The following SLC35F1 variants were observed in gnomAD, a reference collection of about 807,000 sequenced individuals.
The protein encoded by SLC35F1 is chromosome 6 open reading frame 169.
In SLC35F1, 14 loss-of-function variants were observed where a neutral mutation model predicts 48.7. The ratio of observed to expected loss-of-function variants is 0.29; its 90% CI spans 0.19 to 0.45. The LOEUF is 0.45. SLC35F1 is among the 20% of genes least tolerant of loss of function. The pLI is 1.00. For missense variants in SLC35F1, 404 were observed against 500.0 expected, an observed-to-expected ratio of 0.81 and a Z score of 1.83; for synonymous variants, 190 against 202.2, an observed-to-expected ratio of 0.94 and a Z score of 0.51.
chr6:118,062,455 A>G (rs1772554857), intron 1 of SLC35F1, among the ~76,000 whole-genome samples: 1 of 152,166 alleles, frequency 6.6e-6, no homozygotes, highest in South Asian at 2.1e-4. Flanking sequence ...CATAATAATT[A>G]CATCATGGAG....
chr6:117,982,832 G>A (rs953017083), intron 1 of SLC35F1, among the ~76,000 whole-genome samples: 4 of 152,066 alleles, frequency 2.6e-5, no homozygotes, highest in East Asian at 1.9e-4. Context: ...ACAAAAAAAC[G>A]TAGTTTTTTT....
intron 1 of SLC35F1, among the ~76,000 whole-genome samples, chr6:118,117,833 G>A (rs777049529): frequency 7.2e-5 from 11 of 152,166 alleles, no homozygotes; most frequent in East Asian, 3.9e-4. Flanking sequence ...GTCACACACC[G>A]TGCATTCTCC....
rs375494285 is a variant in SLC35F1 at position 117,907,993 on chromosome 6, T to G, written c.173+94T>G. ...GTCCCTGGGGCGGCCCACGGGTCCTTTGGGACGGGGTTGCGGCCGGAGGAG... is the reference window on the plus strand; with the variant it reads ...GTCCCTGGGGCGGCCCACGGGTCCTGTGGGACGGGGTTGCGGCCGGAGGAG... On this transcript the variant is annotated intron_variant, in intron 1 of 7. Transcript: ENST00000360388. 6.4e-5 allele frequency: 76 copies of G among 1,182,168 alleles called. 1 individual carries two copies. The East Asian group carries it at 9.4e-4, about 15-fold the overall frequency. The allele number at this position is 1,182,168 out of a possible 1,614,324, so 73.2% of individuals were successfully genotyped here.
rs146444535 is a variant in SLC35F1 at position 118,132,121 on chromosome 6, A to G, written c.174-22324A>G. Among the ~76,000 whole-genome samples, 225 of 152,284 alleles carry G rather than the reference A, an allele frequency of 1.5e-3. 2 individuals are homozygous for G. Among genetic ancestry groups the G allele is most frequent in the African/African-American group, 5.2e-3 (216 of 41,560 alleles). On this transcript the variant is annotated intron_variant, in intron 1 of 7. Transcript: ENST00000360388. The stretch of plus-strand genomic sequence containing the variant: ...GTTGTTTCAAGAAACCGAAGCAGAT[A>G]GTTAGAGGTCTTTAAGAATGGATTG...
At chr6:118,197,440 A>C (rs1774817085) in intron 2 of SLC35F1, among the ~76,000 whole-genome samples, 1 of 152,224 alleles carries the variant, frequency 6.6e-6, no homozygotes. Context: ...TTTTACCTTA[A>C]TATGAAGTTA....
At chr6:118,126,671 T>C (rs1397086240) in intron 1 of SLC35F1, among the ~76,000 whole-genome samples, 1 of 151,712 alleles carries the variant, frequency 6.6e-6, no homozygotes, top group African/African-American at 2.4e-5. Flanking sequence ...CAGTGGTTTG[T>C]AGTTCTCCTT....
At chr6:118,057,413 C>T (rs1772477943) in intron 1 of SLC35F1, among the ~76,000 whole-genome samples, 1 of 151,994 alleles carries the variant, frequency 6.6e-6, no homozygotes, top group Non-Finnish European at 1.5e-5. Flanking sequence ...TGGTCCCAAG[C>T]AGGAGGAGGG....
intron 1 of SLC35F1, among the ~76,000 whole-genome samples, chr6:118,086,028 C>T (rs1772985229): frequency 6.6e-6 from 1 of 151,976 alleles, no homozygotes; most frequent in Non-Finnish European, 1.5e-5. Flanking sequence ...AAAAATTCTC[C>T]AACACTTCCT....
chr6:118,192,443 A>G (rs887945232), intron 2 of SLC35F1, among the ~76,000 whole-genome samples: 4 of 152,128 alleles, frequency 2.6e-5, no homozygotes, highest in African/African-American at 9.7e-5. Context: ...GGTCCTTTTC[A>G]TCCTTTCATG....
intron 1 of SLC35F1, among the ~76,000 whole-genome samples, chr6:117,931,008 C>T (rs1442909904): frequency 1.3e-5 from 2 of 152,086 alleles, no homozygotes; most frequent in African/African-American, 4.8e-5. Flanking sequence ...CCTTATCTGT[C>T]AAATGGAGAT....
At chr6:118,115,605 C>G (rs886583837) in intron 1 of SLC35F1, among the ~76,000 whole-genome samples, 2 of 152,166 alleles carry the variant, frequency 1.3e-5, no homozygotes, top group Admixed American at 1.3e-4. Context: ...CCAAGTATCC[C>G]TTTGAACCTG....
chr6:118,050,780 T>C (rs1202727006), intron 1 of SLC35F1, among the ~76,000 whole-genome samples: 1 of 152,094 alleles, frequency 6.6e-6, no homozygotes, highest in Admixed American at 6.6e-5. Context: ...TTGACCTTCA[T>C]CCTAGGAAGA....
chr6:118,175,651 A>G (rs554668642), intron 2 of SLC35F1, among the ~76,000 whole-genome samples: 1 of 152,262 alleles, frequency 6.6e-6, no homozygotes, highest in African/African-American at 2.4e-5. Flanking sequence ...TCACCTTCAC[A>G]AACACTACCA....
intron 1 of SLC35F1, among the ~76,000 whole-genome samples, chr6:118,082,223 T>TA (rs1163639631): frequency 4.6e-5 from 7 of 152,220 alleles, no homozygotes; most frequent in Non-Finnish European, 1.0e-4. Context: ...GATTCTAGTT[T>TA]ATAACTCAGT....
rs796890606 is a variant in SLC35F1 at position 118,225,629 on chromosome 6, A to G, written c.350-9880A>G. Among the ~76,000 whole-genome samples, 4 of 152,248 alleles carry G rather than the reference A, an allele frequency of 2.6e-5. No individual in the cohort carries two copies. The South Asian group carries it at 8.3e-4, about 31-fold the overall frequency. On this transcript the variant is annotated intron_variant, in intron 2 of 7. Transcript: ENST00000360388. Reference sequence around the variant, plus strand: ...CTCAAATGCATAGATAGCAAAAGCAAACATGAACAAATGGGGTCATATCAA... The same window carrying G: ...CTCAAATGCATAGATAGCAAAAGCAGACATGAACAAATGGGGTCATATCAA...
chr6:118,220,434 A>T (rs951815654), intron 2 of SLC35F1, among the ~76,000 whole-genome samples: 1 of 152,206 alleles, frequency 6.6e-6, no homozygotes, highest in Non-Finnish European at 1.5e-5. Flanking sequence ...TTCTTATACC[A>T]AAAGCTACCC....
At chr6:118,001,674 T>C (rs1434908833) in intron 1 of SLC35F1, among the ~76,000 whole-genome samples, 1 of 151,958 alleles carries the variant, frequency 6.6e-6, no homozygotes, top group Non-Finnish European at 1.5e-5. Flanking sequence ...ACCTACAAAA[T>C]GGAAGAAAAT....
At chr6:118,156,423 C>T (rs1774142061) in intron 2 of SLC35F1, among the ~76,000 whole-genome samples, 1 of 151,936 alleles carries the variant, frequency 6.6e-6, no homozygotes, top group Non-Finnish European at 1.5e-5. Context: ...TTAAGAAATA[C>T]ATTGGTTTGC....
chr6:117,924,518 A>G (rs6902350), intron 1 of SLC35F1, among the ~76,000 whole-genome samples: 3,160 of 64,114 alleles, frequency 0.049, 330 homozygotes, highest in African/African-American at 0.17. Context: ...ATATACATAT[A>G]TATATGTCAA....
Sources: gnomAD v4.1 joint callset for allele counts (sites outside exome capture counted in the v4.1 genomes callset) on GRCh38, gnomAD v4.1.1 for gene constraint, MANE v1.5 for transcripts, NCBI Gene and HGNC (gene_info 2026-07-23, HGNC 2026-07-21) for gene names.